The following PMFBP1 variants were observed in gnomAD, a reference collection of about 807,000 sequenced individuals.
PMFBP1 encodes the protein polyamine-modulated factor 1-binding protein 1.
A neutral mutation model predicts 137.8 loss-of-function variants in PMFBP1; 131 were observed. That is an observed-to-expected ratio of 0.95 (90% CI 0.82 to 1.10). PMFBP1 has a LOEUF of 1.10. Ranked by LOEUF, PMFBP1 falls within the 50% of genes least tolerant of loss-of-function variation. The pLI is 0.00. For synonymous variants in PMFBP1, 490 were observed against 450.4 expected, an observed-to-expected ratio of 1.09 and a Z score of -1.11; for missense variants, 1,199 against 1,175.4, an observed-to-expected ratio of 1.02 and a Z score of -0.29.
the PMFBP1 span, among the ~76,000 whole-genome samples, chr16:72,193,262 C>T: frequency 6.6e-6 from 1 of 151,948 alleles, no homozygotes; most frequent in Admixed American, 6.6e-5. Flanking sequence ...TAGTGGTGCA[C>T]ACCTGTAGTC....
Position 72,129,100 on chromosome 16 carries a change from G to C in PMFBP1, c.1916C>G (p.Ala639Gly). ...HEKLMEGELE[A>G]LRQEFKKKDK... ...TTTCTTTTTAAATTCCTGCCGCAAA[G>C]CTTCAAGTTCTCCCTCCATCAGCTT... The change falls in exon 13 of 21, where the codon GCT becomes GGT. Residue 639 changes from alanine (A) to glycine (G), a missense_variant. Physicochemically the swap from Ala to Gly is moderately conservative, Grantham distance 60 (BLOSUM62 0). Coordinates refer to ENST00000237353, the MANE Select transcript of PMFBP1 (RefSeq NM_031293.3). 2.5e-6 allele frequency: 4 copies of C among 1,614,140 alleles called. No homozygotes were observed. The highest frequency in any genetic ancestry group is 3.4e-6 in the Non-Finnish European group (4 of 1,180,032).
upstream of PMFBP1, among the ~76,000 whole-genome samples, chr16:72,180,185 C>T (rs576523149): frequency 2.0e-5 from 3 of 152,244 alleles, no homozygotes; most frequent in East Asian, 5.8e-4. Flanking sequence ...CTGCAGAAAG[C>T]CAGCTAAGAG....
intron 4 of PMFBP1, among the ~76,000 whole-genome samples, chr16:72,153,879 C>A (rs560730932): frequency 1.3e-5 from 2 of 148,388 alleles, no homozygotes; most frequent in South Asian, 2.2e-4. Context: ...CAGTCTTTTG[C>A]ATTTACATTG....
chr16:72,182,981 G>A, the PMFBP1 span, among the ~76,000 whole-genome samples: 1 of 152,012 alleles, frequency 6.6e-6, no homozygotes, highest in Admixed American at 6.6e-5. Context: ...GGAGGGGACT[G>A]GGTCCTCAGA....
chr16:72,176,551 T>C (rs553128863), upstream of PMFBP1, among the ~76,000 whole-genome samples: 1 of 152,312 alleles, frequency 6.6e-6, no homozygotes, highest in Admixed American at 6.5e-5. Context: ...GAAAGAGAAG[T>C]AGTGCACAGC....
the PMFBP1 span, among the ~76,000 whole-genome samples, chr16:72,223,107 G>C: frequency 1.9e-4 from 29 of 152,232 alleles, no homozygotes; most frequent in Admixed American, 1.6e-3. Context: ...GGCAAGAACT[G>C]GGGGGAAGTT....
In PMFBP1 at chr16:72,123,051, G is replaced by T. The variant is rs939266251; in HGVS notation, c.2694-63C>A. 131 of 1,460,628 alleles carry T rather than the reference G, an allele frequency of 9.0e-5. No homozygotes were observed. The South Asian group carries it at 1.5e-3, about 16-fold the overall frequency. 90.5% of individuals were successfully genotyped at this position (1,460,628 alleles called of 1,614,324 possible). ...CCAGCCTCCCGCGAGCAAGGGTGCA[G>T]CTGGCTGAATGGGATGCTGGGTTCT... On this transcript the variant is annotated intron_variant, in intron 18 of 20. Coordinates refer to ENST00000237353, the MANE Select transcript of PMFBP1 (RefSeq NM_031293.3).
At chr16:72,161,772 T>G (rs745687312) in intron 3 of PMFBP1, among the ~76,000 whole-genome samples, 1 of 152,216 alleles carries the variant, frequency 6.6e-6, no homozygotes, top group Non-Finnish European at 1.5e-5. Flanking sequence ...GTGTTTTTTC[T>G]GTTCCAATAT....
intron 7 of PMFBP1, 91 bp downstream of exon 7, chr16:72,139,198 T>A: frequency 1.1e-6 from 1 of 882,878 alleles, no homozygotes; most frequent in Non-Finnish European, 1.8e-6. Context: ...ATATAAATTG[T>A]CATATAAAAA....
chr16:72,172,708 C>T (rs2043233141), upstream of PMFBP1, among the ~76,000 whole-genome samples: 1 of 151,946 alleles, frequency 6.6e-6, no homozygotes, highest in Admixed American at 6.6e-5. Flanking sequence ...TTCTTGGTTT[C>T]TCAGTGCATA....
At chr16:72,202,995 C>T in the PMFBP1 span, among the ~76,000 whole-genome samples, 1 of 152,170 alleles carries the variant, frequency 6.6e-6, no homozygotes, top group Non-Finnish European at 1.5e-5. Context: ...TGGTATTTTT[C>T]AGACTTGGAA....
At chr16:72,236,961 C>G in the PMFBP1 span, among the ~76,000 whole-genome samples, 1 of 152,170 alleles carries the variant, frequency 6.6e-6, no homozygotes. Flanking sequence ...ACTTTCATCA[C>G]TTCTCTAAAG....
the PMFBP1 span, among the ~76,000 whole-genome samples, chr16:72,186,902 C>G: frequency 6.6e-6 from 1 of 151,930 alleles, no homozygotes; most frequent in Non-Finnish European, 1.5e-5. Context: ...CACCTGAGGT[C>G]AAGGGTTCGA....
At chr16:72,138,101 A>G (rs569388094) in intron 7 of PMFBP1, among the ~76,000 whole-genome samples, 49 of 152,300 alleles carry the variant, frequency 3.2e-4, no homozygotes, top group African/African-American at 9.6e-4. Context: ...TGTATCACTA[A>G]AAAAATGGAG....
chr16:72,248,087 C>T, the PMFBP1 span, among the ~76,000 whole-genome samples: 2 of 152,218 alleles, frequency 1.3e-5, no homozygotes, highest in East Asian at 1.9e-4. Flanking sequence ...AAGGCCAAGT[C>T]GGCTTCTGGA....
rs1423071961 is a variant in PMFBP1, at chr16:72,142,096, G to A, written c.637-1514C>T. ...TGTCTCTCTAACTGGGCTTTTTCAG[G>A]CAAAGTTAGGAATACTTCATGTTCA... On this transcript the variant is annotated intron_variant, in intron 5 of 20. Coordinates refer to ENST00000237353, the MANE Select transcript of PMFBP1 (RefSeq NM_031293.3). Among the ~76,000 whole-genome samples the A allele has an allele frequency of 2.0e-5, 3 of 151,938 alleles. No individual in the cohort carries two copies. The East Asian group carries it at 5.8e-4, about 29-fold the overall frequency.
chr16:72,147,569 T>C (rs1029176715), intron 5 of PMFBP1, among the ~76,000 whole-genome samples: 1 of 152,012 alleles, frequency 6.6e-6, no homozygotes, highest in African/African-American at 2.4e-5. Context: ...AAAGAAACTA[T>C]CAGAGGCGTG....
the PMFBP1 span, among the ~76,000 whole-genome samples, chr16:72,227,672 G>A: frequency 6.6e-6 from 1 of 152,156 alleles, no homozygotes; most frequent in African/African-American, 2.4e-5. Flanking sequence ...ATGCCCTTAA[G>A]AGTCAGAGAG....
the PMFBP1 span, among the ~76,000 whole-genome samples, chr16:72,199,046 T>G: frequency 6.6e-6 from 1 of 152,226 alleles, no homozygotes; most frequent in Non-Finnish European, 1.5e-5. Flanking sequence ...TTGTTTTCTG[T>G]GCTCTTGCGC....
Sources: allele counts gnomAD v4.1 joint callset (sites outside exome capture counted in the v4.1 genomes callset), GRCh38; gene constraint gnomAD v4.1.1; transcripts MANE v1.5; gene names NCBI Gene and HGNC (gene_info 2026-07-23, HGNC 2026-07-21).